TMEM131L: variants seen among roughly 807,000 people sequenced by gnomAD.
The protein encoded by TMEM131L is transmembrane 131 like, also known as transmembrane protein 131-like.
TMEM131L carries 54 observed loss-of-function variants against 192.2 expected under a neutral mutation model. That is an observed-to-expected ratio of 0.28 (90% CI 0.23 to 0.35). TMEM131L has a LOEUF of 0.35. TMEM131L is among the 10% of genes least tolerant of loss of function. The probability of loss-of-function intolerance (pLI) is 1.00; values close to 1 mark genes in which losing one functional copy is unlikely to be tolerated. For missense variants in TMEM131L, 1,888 were observed against 1,972.9 expected (o/e 0.96, Z 0.82); for synonymous variants, 701 against 704.9 (o/e 0.99, Z 0.09).
chr4:153,631,254 G>A (rs935365451), intron 31 of TMEM131L, among the ~76,000 whole-genome samples: 4 of 152,344 alleles, frequency 2.6e-5, no homozygotes, highest in Non-Finnish European at 5.9e-5. Flanking sequence ...TGGGAATTGA[G>A]GGCCCACTGA....
At chr4:153,632,416 G>A (rs1018815977) in intron 31 of TMEM131L, 4 of 261,356 alleles carry the variant, frequency 1.5e-5, no homozygotes, top group South Asian at 1.2e-4. Flanking sequence ...AATGTAGCTT[G>A]TTCACTGCTG....
rs761806542 is a variant in TMEM131L at position 153,591,180 on chromosome 4, C to G, written c.1798C>G (p.Leu600Val). The change falls in exon 17 of 35, where the codon CTT (leucine) becomes GTT (valine). Residue 600 changes from leucine to valine, a missense_variant. Transcript: ENST00000409959. ...CATGTTAAACTTCAGCGCAACTGCCCTTAGGAGCAGGATGGTGAGGACAGT... is the reference window on the plus strand; with the variant it reads ...CATGTTAAACTTCAGCGCAACTGCCGTTAGGAGCAGGATGGTGAGGACAGT... Reference protein sequence around the residue: ...GLMLNFSATALRSRMIKYFVV... With the variant: ...GLMLNFSATAVRSRMIKYFVV... The G allele has an allele frequency of 2.5e-6, 4 of 1,605,072 alleles. No individual in the cohort carries two copies. The highest frequency in any genetic ancestry group is 1.1e-5 in the South Asian group (1 of 89,912).
At chr4:153,566,518 AGTGTGTGT>A (rs35949558) in intron 7 of TMEM131L, among the ~76,000 whole-genome samples, 216 of 145,860 alleles carry the variant, frequency 1.5e-3, no homozygotes, top group African/African-American at 5.0e-3. Context: ...TGTGAGTGTG[AGTGTGTGT>A]GTGTGTGTGT....
chr4:153,545,952 T>C (rs1192640095), intron 3 of TMEM131L, among the ~76,000 whole-genome samples: 26 of 152,032 alleles, frequency 1.7e-4, no homozygotes, highest in South Asian at 2.1e-4. Context: ...GGTGCGGTCA[T>C]TGCTCCCTGC....
intron 3 of TMEM131L, among the ~76,000 whole-genome samples, chr4:153,523,109 T>G (rs1222617166): frequency 1.3e-5 from 2 of 152,230 alleles, no homozygotes; most frequent in Non-Finnish European, 2.9e-5. Context: ...AAAAATAGTT[T>G]AAGGCCATAG....
chr4:153,505,443 T>C (rs903336612), intron 3 of TMEM131L, among the ~76,000 whole-genome samples: 2 of 152,178 alleles, frequency 1.3e-5, no homozygotes, highest in Non-Finnish European at 2.9e-5. Context: ...CCAGTCATAC[T>C]GGATTGGAGT....
intron 3 of TMEM131L, among the ~76,000 whole-genome samples, chr4:153,480,087 C>G (rs898370992): frequency 1.3e-5 from 2 of 152,212 alleles, no homozygotes; most frequent in South Asian, 4.1e-4. Context: ...CGCGTGTAAT[C>G]CCAGCACTTT....
intron 7 of TMEM131L, among the ~76,000 whole-genome samples, chr4:153,561,447 C>T (rs1247102586): frequency 1.3e-5 from 2 of 151,994 alleles, no homozygotes; most frequent in Non-Finnish European, 2.9e-5. Flanking sequence ...CTAAAAAGGC[C>T]TAATGTTGTG....
At chr4:153,552,580 C>T (rs1042061978) in intron 4 of TMEM131L, among the ~76,000 whole-genome samples, 4 of 152,140 alleles carry the variant, frequency 2.6e-5, no homozygotes, top group African/African-American at 9.7e-5. Context: ...CCTGTAATCC[C>T]AGCACTTTGG....
chr4:153,516,208 C>T (rs1734718940), intron 3 of TMEM131L, among the ~76,000 whole-genome samples: 1 of 152,086 alleles, frequency 6.6e-6, no homozygotes, highest in Non-Finnish European at 1.5e-5. Context: ...GTTTTACTGA[C>T]TGCCTTATAG....
chr4:153,594,833 C>G (rs891669281), intron 19 of TMEM131L, among the ~76,000 whole-genome samples: 3 of 152,056 alleles, frequency 2.0e-5, no homozygotes, highest in Non-Finnish European at 4.4e-5. Context: ...AGCGAGTCTG[C>G]CCCTCTCTCT....
chr4:153,514,923 T>C (rs1734610255), intron 3 of TMEM131L, among the ~76,000 whole-genome samples: 1 of 152,096 alleles, frequency 6.6e-6, no homozygotes, highest in South Asian at 2.1e-4. Context: ...AGCAATTCTC[T>C]GCCTCGGCCT....
chr4:153,586,910 T>G (rs914226000), intron 14 of TMEM131L, among the ~76,000 whole-genome samples: 1 of 152,182 alleles, frequency 6.6e-6, no homozygotes, highest in African/African-American at 2.4e-5. Context: ...ATATGTCTCT[T>G]TCTTTAATAT....
At chr4:153,599,856 G>A (rs1210452273) in intron 21 of TMEM131L, among the ~76,000 whole-genome samples, 4 of 152,040 alleles carry the variant, frequency 2.6e-5, no homozygotes, top group Non-Finnish European at 4.4e-5. Context: ...TCAGGAGTTC[G>A]AGACCAGCCT....
At chr4:153,510,128 A>G (rs1210488281) in intron 3 of TMEM131L, among the ~76,000 whole-genome samples, 2 of 152,192 alleles carry the variant, frequency 1.3e-5, no homozygotes, top group Admixed American at 1.3e-4. Flanking sequence ...CCAAATTAGT[A>G]TCAGCCTTTG....
chr4:153,496,488 A>G (rs1733181640), intron 3 of TMEM131L, among the ~76,000 whole-genome samples: 1 of 152,162 alleles, frequency 6.6e-6, no homozygotes, highest in Non-Finnish European at 1.5e-5. Flanking sequence ...TGCATAGGTC[A>G]CTGTGACAGT....
intron 4 of TMEM131L, 27 bp downstream of exon 4, chr4:153,550,168 A>T: frequency 1.0e-6 from 1 of 978,152 alleles, no homozygotes; most frequent in South Asian, 1.9e-5. Context: ...TATAATTAAA[A>T]CTCATTTTAT....
chr4:153,629,792 A>ACCCAGCTTCTCCCCATCTCC (rs1227251386), intron 31 of TMEM131L, among the ~76,000 whole-genome samples: 1 of 152,030 alleles, frequency 6.6e-6, no homozygotes, highest in Non-Finnish European at 1.5e-5. Context: ...TAGGTTCCTG[A>ACCCAGCTTCTCCCCATCTCC]CCCAGCTTCT....
chr4:153,516,469 A>G (rs529514656), intron 3 of TMEM131L, among the ~76,000 whole-genome samples: 401 of 152,278 alleles, frequency 2.6e-3, no homozygotes, highest in Non-Finnish European at 4.6e-3. Context: ...GGCTCAAACA[A>G]TTCACCTGCC....
Sources: gnomAD v4.1 joint callset for allele counts (sites outside exome capture counted in the v4.1 genomes callset) on GRCh38, gnomAD v4.1.1 for gene constraint, MANE v1.5 for transcripts, NCBI Gene and HGNC (gene_info 2026-07-23, HGNC 2026-07-21) for gene names.